Variants in CFAP299 observed in about 807,000 individuals in gnomAD.
The protein encoded by CFAP299 is cilia- and flagella-associated protein 299.
CFAP299 carries 21 observed loss-of-function variants against 27.0 expected under a neutral mutation model. The observed-to-expected ratio is 0.78, with a 90% CI of 0.55 to 1.12. The LOEUF (loss-of-function observed/expected upper bound fraction) is 1.12. Among genes scored for constraint, CFAP299 ranks in the 50% most tolerant of loss-of-function variants. The pLI, the probability that CFAP299 is intolerant of heterozygous loss-of-function variation, is 0.00. For missense variants in CFAP299, 310 were observed against 276.6 expected, an observed-to-expected ratio of 1.12 and a Z score of -0.86; for synonymous variants, 104 against 98.1, an observed-to-expected ratio of 1.06 and a Z score of -0.36.
chr4:80,862,829 C>T (rs1324551428), intron 3 of CFAP299, among the ~76,000 whole-genome samples: 3 of 151,974 alleles, frequency 2.0e-5, no homozygotes, highest in Non-Finnish European at 4.4e-5. Flanking sequence ...CTGCGATTGA[C>T]TGAGATAATA....
chr4:80,440,510 A>T (rs937366149), intron 2 of CFAP299, among the ~76,000 whole-genome samples: 3 of 152,210 alleles, frequency 2.0e-5, no homozygotes, highest in African/African-American at 7.2e-5. Flanking sequence ...TAACATCAAC[A>T]TCAACAAAAA....
At chr4:80,917,051 C>T (rs1560475882) in intron 4 of CFAP299, among the ~76,000 whole-genome samples, 1 of 151,942 alleles carries the variant, frequency 6.6e-6, no homozygotes, top group African/African-American at 2.4e-5. Context: ...AAAAGTGTGG[C>T]GGCAAACTGG....
At chr4:80,325,054 C>T in the CFAP299 span, among the ~76,000 whole-genome samples, 2 of 152,176 alleles carry the variant, frequency 1.3e-5, no homozygotes, top group African/African-American at 2.4e-5. Context: ...ACCTGGGAGG[C>T]GGAGGTTGCA....
At chr4:80,564,481 C>T (rs140055394) in intron 2 of CFAP299, among the ~76,000 whole-genome samples, 2,087 of 151,888 alleles carry the variant, frequency 0.014, 42 homozygotes, top group Admixed American at 0.057. Context: ...ATTCAACATC[C>T]CTTTATGATA....
intron 4 of CFAP299, among the ~76,000 whole-genome samples, chr4:80,932,596 A>AT (rs949609481): frequency 3.9e-5 from 6 of 152,286 alleles, no homozygotes; most frequent in East Asian, 3.9e-4. Flanking sequence ...ACGTAATATA[A>AT]TTTTTTCCAC....
intron 3 of CFAP299, among the ~76,000 whole-genome samples, chr4:80,603,987 G>A (rs1737503480): frequency 6.6e-6 from 1 of 152,000 alleles, no homozygotes; most frequent in South Asian, 2.1e-4. Context: ...CAAAGACAAA[G>A]TGTTCACTTA....
At chr4:80,494,536 T>C (rs1489942478) in intron 2 of CFAP299, among the ~76,000 whole-genome samples, 1 of 152,192 alleles carries the variant, frequency 6.6e-6, no homozygotes, top group African/African-American at 2.4e-5. Context: ...TAATTTTCCT[T>C]CTGTCTCACA....
At chr4:80,856,378 C>A (rs1261175417) in intron 3 of CFAP299, among the ~76,000 whole-genome samples, 1 of 150,820 alleles carries the variant, frequency 6.6e-6, no homozygotes, top group East Asian at 1.9e-4. Flanking sequence ...ATGGTAGTTT[C>A]TTTTGCTGTG....
chr4:80,460,480 A>C (rs544618058), intron 2 of CFAP299, among the ~76,000 whole-genome samples: 1 of 152,268 alleles, frequency 6.6e-6, no homozygotes, highest in East Asian at 1.9e-4. Flanking sequence ...CAGACCCTGC[A>C]CTTTCTCCCC....
intron 2 of CFAP299, among the ~76,000 whole-genome samples, chr4:80,390,638 C>T (rs1560543297): frequency 7.8e-6 from 1 of 128,720 alleles, no homozygotes; most frequent in Non-Finnish European, 1.6e-5. Context: ...TATGTATACA[C>T]ATATATGTAT....
At chr4:80,744,023 T>G (rs1187975125) in intron 3 of CFAP299, among the ~76,000 whole-genome samples, 1 of 152,180 alleles carries the variant, frequency 6.6e-6, no homozygotes, top group African/African-American at 2.4e-5. Context: ...ATAATATCTG[T>G]GTACTTTGCT....
At chr4:80,514,887 A>G (rs1460245264) in intron 2 of CFAP299, among the ~76,000 whole-genome samples, 1 of 152,104 alleles carries the variant, frequency 6.6e-6, no homozygotes, top group Non-Finnish European at 1.5e-5. Flanking sequence ...TTATTTTATA[A>G]AAGACTAATC....
intron 2 of CFAP299, among the ~76,000 whole-genome samples, chr4:80,459,993 A>G (rs1203580075): frequency 6.6e-6 from 1 of 152,236 alleles, no homozygotes; most frequent in Non-Finnish European, 1.5e-5. Flanking sequence ...ATGAAAATTT[A>G]AAGAACCAGA....
At chr4:80,623,806 A>G (rs1448861380) in intron 3 of CFAP299, among the ~76,000 whole-genome samples, 1 of 152,108 alleles carries the variant, frequency 6.6e-6, no homozygotes, top group African/African-American at 2.4e-5. Flanking sequence ...GAATCTGCAG[A>G]CAGAGTCTCT....
At chr4:80,408,531 T>C (rs1447336201) in intron 2 of CFAP299, among the ~76,000 whole-genome samples, 2 of 152,158 alleles carry the variant, frequency 1.3e-5, no homozygotes, top group Non-Finnish European at 2.9e-5. Context: ...ATACTTTTTG[T>C]TACCTATATT....
intron 3 of CFAP299, among the ~76,000 whole-genome samples, chr4:80,660,282 C>T (rs1224723690): frequency 1.3e-5 from 2 of 151,684 alleles, no homozygotes; most frequent in East Asian, 1.9e-4. Flanking sequence ...AAAAGAATGG[C>T]GGGGACTGTT....
In CFAP299 at chr4:80,624,212, C is replaced by T. The variant is rs139999340; in HGVS notation, c.333+41029C>T. Among the ~76,000 whole-genome samples, 6 of 151,916 alleles carry T rather than the reference C, an allele frequency of 3.9e-5. No individual in the cohort carries two copies. In the East Asian group the frequency reaches 9.7e-4, roughly 24 times the overall value. ...ACAAAATAACTGTTTTAAGGAAGCT[C>T]AGCAAACTTCAACAAAAATACAAAG... On this transcript the variant is annotated intron_variant, in intron 3 of 5. Transcript: ENST00000358105.
At chr4:80,763,068 C>T (rs1725630094) in intron 3 of CFAP299, among the ~76,000 whole-genome samples, 1 of 152,074 alleles carries the variant, frequency 6.6e-6, no homozygotes, top group African/African-American at 2.4e-5. Context: ...GATATGTACC[C>T]TCTGTAAAAG....
chr4:80,444,503 T>C (rs1728518547), intron 2 of CFAP299, among the ~76,000 whole-genome samples: 1 of 152,046 alleles, frequency 6.6e-6, no homozygotes, highest in African/African-American at 2.4e-5. Flanking sequence ...TGAACCCCTA[T>C]CTTACACATT....
Sources: allele counts gnomAD v4.1 joint callset (sites outside exome capture counted in the v4.1 genomes callset), GRCh38; gene constraint gnomAD v4.1.1; transcripts MANE v1.5; gene names NCBI Gene and HGNC (gene_info 2026-07-23, HGNC 2026-07-21).